The following TCHHL1 variants were observed in gnomAD, a reference collection of about 807,000 sequenced individuals.
The protein encoded by TCHHL1 is trichohyalin like 1.
In TCHHL1, 1 loss-of-function variant was observed where a neutral mutation model predicts 3.5. That is an observed-to-expected ratio of 0.29 (90% CI 0.10 to 1.36). The LOEUF (loss-of-function observed/expected upper bound fraction) is 1.36, where lower values mean the gene tolerates loss of function less well. TCHHL1 is among the 40% of genes most tolerant of loss of function. The pLI is 0.43. For synonymous variants in TCHHL1, 405 were observed against 375.3 expected (o/e 1.08, Z -0.92); for missense variants, 1,027 against 1,032.8 (o/e 0.99, Z 0.08).
Position 152,085,666 on chromosome 1 carries a change from G to A in TCHHL1, c.2016C>T (p.Ile672=), listed in dbSNP as rs748896386. The A allele has an allele frequency of 1.8e-5, 29 of 1,614,030 alleles. No homozygotes were observed. The highest frequency in any genetic ancestry group is 2.5e-5 in the Non-Finnish European group (29 of 1,180,048). ...DENRKSLEIE[I]TGALDEDFTD... ...TGAAGTCTTCATCCAGGGCACCTGT[G>A]ATCTCTATTTCCAGGGACTTTCTAT... is the stretch of plus-strand genomic sequence containing the variant. The change falls in exon 3 of 3, where the codon ATC becomes ATT. Residue 672 remains isoleucine, a synonymous_variant. Transcript: ENST00000368806.
At chr1:152,088,819 TTA>T (rs1657782695) in intron 1 of TCHHL1, among the ~76,000 whole-genome samples, 199 bp downstream of exon 1, 1 of 152,172 alleles carries the variant, frequency 6.6e-6, no homozygotes, top group African/African-American at 2.4e-5. Flanking sequence ...TCTAAACAAT[TTA>T]TGTTTTTTTT....
Position 152,086,561 on chromosome 1 carries a change from A to G in TCHHL1, c.1121T>C (p.Val374Ala). 6.2e-7 allele frequency: 1 copy of G among 1,614,080 alleles called. No homozygotes were observed. The highest frequency in any genetic ancestry group is 1.1e-5 in the South Asian group (1 of 91,066). ...EKECETKDLP[V>A]QYGSRNGSET... is the part of the protein sequence containing the mutation. ...TGAACCATTTCTGCTACCATATTGG[A>G]CTGGCAGGTCCTTTGTTTCACATTC... Residue 374 changes from valine to alanine, a missense_variant, in exon 3 of 3, where the codon GTC (valine) becomes GCC (alanine). Transcript: ENST00000368806.
chr1:152,085,555 C>G lies in TCHHL1; in HGVS notation c.2127G>C (p.Glu709Asp). The G allele has an allele frequency of 6.2e-7, 1 of 1,614,226 alleles. No homozygotes were observed. Among genetic ancestry groups the G allele is most frequent in the South Asian group, 1.1e-5 (1 of 91,084 alleles). ...TCTGGGCCTCTGTTGCTCTTCCTTT[C>G]TCTTCTTTGCTACTTGGGCCTTGGA... The part of the protein sequence containing the change: ...LKVQGPSSKE[E>D]KGRATEAQNT... Residue 709 changes from glutamate (E) to aspartate (D), a missense_variant, in exon 3 of 3, where the codon GAG becomes GAC. Glu to Asp is a conservative substitution (Grantham distance 45). Around this residue, in one of 3 missense-constraint regions of TCHHL1, gnomAD observed 673 missense variants for 658.6 expected, o/e 1.02. Coordinates refer to ENST00000368806, the MANE Select transcript of TCHHL1 (RefSeq NM_001008536.2).
At position 152,087,145 on chromosome 1, in the gene TCHHL1, C is replaced by T; in HGVS notation, c.537G>A (p.Lys179=). The change falls in exon 3 of 3, where the codon AAG becomes AAA. Residue 179 remains lysine, a synonymous_variant. Transcript: ENST00000368806. ...PGEASEHNDP[K]NKHLEGDEQS... is the part of the protein sequence containing the mutation. ...GTTCATCTCCTTCCAGGTGTTTGTT[C>T]TTAGGATCATTGTGTTCAGATGCTT... The T allele has an allele frequency of 6.2e-7, 1 of 1,614,136 alleles. No homozygotes were observed. Among genetic ancestry groups the T allele is most frequent in the African/African-American group, 1.3e-5 (1 of 75,010 alleles).
chr1:152,085,447 C>T lies in TCHHL1; in HGVS notation c.2235G>A (p.Glu745=), dbSNP rs766957983. 3 of 1,614,212 alleles carry T rather than the reference C, an allele frequency of 1.9e-6. No homozygotes were observed. The highest frequency in any genetic ancestry group is 2.5e-6 in the Non-Finnish European group (3 of 1,180,036). The change falls in exon 3 of 3, where the codon GAG becomes GAA. Residue 745 remains glutamate, a synonymous_variant. Transcript: ENST00000368806. The part of the protein sequence containing the change: ...QLETKEPVTS[E]EEDESPQELA... Reference sequence around the variant, plus strand: ...GCTCTTGGGGACTTTCATCTTCCTCCTCTGATGTTACAGGTTCCTTTGTTT... The same window carrying T: ...GCTCTTGGGGACTTTCATCTTCCTCTTCTGATGTTACAGGTTCCTTTGTTT...
Position 152,085,826 on chromosome 1 carries a change from A to G in TCHHL1, c.1856T>C (p.Val619Ala). 6 of 1,614,066 alleles carry G rather than the reference A, an allele frequency of 3.7e-6. No homozygotes were observed. Among genetic ancestry groups the G allele is most frequent in the Non-Finnish European group, 1.7e-6 (2 of 1,180,024 alleles). The change falls in exon 3 of 3, where the codon GTA becomes GCA. Residue 619 changes from valine (V) to alanine (A), a missense_variant. Transcript: ENST00000368806. The part of the protein sequence containing the change: ...AVVPAVRGED[V>A]QLTEDQEQPA... ...CTGTTCCTGGTCCTCTGTGAGCTGT[A>G]CATCCTCTCCTCTGACTGCTGGTAC...
rs1284322344 is a variant in TCHHL1, at chr1:152,085,700, C to T, written c.1982G>A (p.Gly661Glu). The change falls in exon 3 of 3, where the codon GGA becomes GAA. Residue 661 changes from glycine to glutamate, a missense_variant. Transcript: ENST00000368806. ...TTCCAGGGACTTTCTATTTTCATCT[C>T]CTGCTGTGGATTCCTGTGCTTCTGG... ...GHPEAQESTA[G>E]DENRKSLEIE... 5 of 1,614,202 alleles carry T rather than the reference C, an allele frequency of 3.1e-6. No individual in the cohort carries two copies. Among genetic ancestry groups the T allele is most frequent in the Non-Finnish European group, 4.2e-6 (5 of 1,180,040 alleles).
chr1:152,088,537 C>T (rs1407361684), intron 1 of TCHHL1, among the ~76,000 whole-genome samples: 1 of 152,210 alleles, frequency 6.6e-6, no homozygotes, highest in East Asian at 1.9e-4. Context: ...GAGTGTCTAT[C>T]TGCTCTCCTC....
In TCHHL1 at chr1:152,085,664, G is replaced by T; in HGVS notation, c.2018C>A (p.Thr673Lys). The change falls in exon 3 of 3, where the codon ACA becomes AAA. Residue 673 changes from threonine to lysine, a missense_variant. Around this residue, in one of 3 missense-constraint regions of TCHHL1, gnomAD observed 673 missense variants for 658.6 expected, o/e 1.02. Transcript: ENST00000368806. ...AGTGAAGTCTTCATCCAGGGCACCT[G>T]TGATCTCTATTTCCAGGGACTTTCT... ...ENRKSLEIEI[T>K]GALDEDFTDQ... 1 of 1,614,158 alleles carries T rather than the reference G, an allele frequency of 6.2e-7. No homozygotes were observed. Among genetic ancestry groups the T allele is most frequent in the Non-Finnish European group, 8.5e-7 (1 of 1,180,044 alleles).
In TCHHL1 at chr1:152,085,352, C is replaced by G. The variant is rs376654912; in HGVS notation, c.2330G>C (p.Ser777Thr). 6.2e-7 allele frequency: 1 copy of G among 1,614,212 alleles called. No individual in the cohort carries two copies. The highest frequency in any genetic ancestry group is 1.7e-5 in the Admixed American group (1 of 60,018). The change falls in exon 3 of 3, where the codon AGT (serine) becomes ACT (threonine). Residue 777 changes from serine (S) to threonine (T), a missense_variant. This residue lies in a region of TCHHL1 where 673 missense variants were observed against 658.6 expected (regional missense o/e 1.02). Transcript: ENST00000368806. ...GTCTCTCTGCATCTGCTTTTCAAGA[C>G]TTGACCAGGGGACTGAAGAATTGTG... is the stretch of plus-strand genomic sequence containing the variant. ...KEHNSSVPWS[S>T]LEKQMQRDQE...
rs1241521526 is a variant in TCHHL1 at position 152,085,358 on chromosome 1, C to T, written c.2324G>A (p.Trp775Ter). ...CTGCATCTGCTTTTCAAGACTTGAC[C>T]AGGGGACTGAAGAATTGTGCTCTTT... Reference protein sequence around the residue: ...AKKEHNSSVPWSSLEKQMQRD... With the variant: ...AKKEHNSSVP The change falls in exon 3 of 3, where the codon TGG (tryptophan) becomes TAG (stop). Residue 775 changes from tryptophan to a stop codon, truncating the protein, a stop_gained. Coordinates refer to ENST00000368806, the MANE Select transcript of TCHHL1 (RefSeq NM_001008536.2). LOFTEE classifies it low-confidence loss of function (END_TRUNC). 6.2e-7 allele frequency: 1 copy of T among 1,614,172 alleles called. No homozygotes were observed.
chr1:152,088,121 A>T lies in TCHHL1; in HGVS notation c.23T>A (p.Val8Asp). ...GTGGAATGTCTCAATTACACAGAGG[A>T]CATTTCTCAGGAGCTGAGGCATCTT... Reference protein sequence around the residue: MPQLLRNVLCVIETFHKY... With the variant: MPQLLRNDLCVIETFHKY... Residue 8 changes from valine (V) to aspartate (D), a missense_variant, in exon 2 of 3, where the codon GTC (valine) becomes GAC (aspartate). By Grantham distance (152) the Val-to-Asp change is radical. Around this residue, in one of 3 missense-constraint regions of TCHHL1, gnomAD observed 338 missense variants for 335.9 expected, o/e 1.01. Transcript: ENST00000368806. The T allele has an allele frequency of 6.3e-7, 1 of 1,597,146 alleles. No homozygotes were observed.
chr1:152,086,120 T>C lies in TCHHL1; in HGVS notation c.1562A>G (p.Asp521Gly). 9.3e-6 allele frequency: 15 copies of C among 1,614,214 alleles called. No homozygotes were observed. Among genetic ancestry groups the C allele is most frequent in the Non-Finnish European group, 1.2e-5 (14 of 1,180,046 alleles). Residue 521 changes from aspartate to glycine, a missense_variant, in exon 3 of 3, where the codon GAC becomes GGC. This residue lies in a region of TCHHL1 where 673 missense variants were observed against 658.6 expected (regional missense o/e 1.02). Transcript: ENST00000368806. The stretch of plus-strand genomic sequence containing the variant: ...ACCATCCTCCTCCTCAACTGGTTGG[T>C]CATGAGTCTTGGTGACCCTAGTATT... ...GENTRVTKTHDQPVEEEDGYQ... is the reference protein window; with the variant it reads ...GENTRVTKTHGQPVEEEDGYQ...
In TCHHL1 at chr1:152,086,205, G is replaced by T; in HGVS notation, c.1477C>A (p.Leu493Met). ...SKNAPAAERT[L>M]GARERTQDLA... Reference sequence around the variant, plus strand: ...TCTTGTGTTCTTTCTCTTGCCCCCAGTGTCCTTTCTGCTGCAGGTGCGTTT... The same window carrying T: ...TCTTGTGTTCTTTCTCTTGCCCCCATTGTCCTTTCTGCTGCAGGTGCGTTT... The change falls in exon 3 of 3, where the codon CTG becomes ATG. Residue 493 changes from leucine to methionine, a missense_variant. Leu to Met is a conservative substitution (Grantham distance 15). Around this residue, in one of 3 missense-constraint regions of TCHHL1, gnomAD observed 673 missense variants for 658.6 expected, o/e 1.02. Transcript: ENST00000368806. 2 of 1,614,166 alleles carry T rather than the reference G, an allele frequency of 1.2e-6. No individual in the cohort carries two copies. The highest frequency in any genetic ancestry group is 8.5e-7 in the Non-Finnish European group (1 of 1,180,034).
Position 152,087,300 on chromosome 1 carries a change from T to G in TCHHL1, c.382A>C (p.Thr128Pro), listed in dbSNP as rs558143120. The change falls in exon 3 of 3, where the codon ACT (threonine) becomes CCT (proline). Residue 128 changes from threonine (T) to proline (P), a missense_variant. By Grantham distance (38) the Thr-to-Pro change is conservative. Transcript: ENST00000368806. ...GAAGGAAGCATCCTCTTTTCTTGAG[T>G]TGGTGAAGTTCCCACTGTCCACTGA... ...DGQWTVGTSP[T>P]QEKRMLPSGM... The G allele has an allele frequency of 6.2e-7, 1 of 1,614,036 alleles. No homozygotes were observed. The highest frequency in any genetic ancestry group is 1.3e-5 in the African/African-American group (1 of 75,008).
At position 152,086,969 on chromosome 1, in the gene TCHHL1, G is replaced by T. The variant is rs931850384; in HGVS notation, c.713C>A (p.Pro238Gln). ...CTTGGAAACACTTTGCTCTCTGGCTGGTTCATCTCCTTCCTGGGAGATCTC... is the reference window on the plus strand; with the variant it reads ...CTTGGAAACACTTTGCTCTCTGGCTTGTTCATCTCCTTCCTGGGAGATCTC... ...DKEISQEGDE[P>Q]AREQSVSKIR... is the part of the protein sequence containing the mutation. Residue 238 changes from proline to glutamine, a missense_variant, in exon 3 of 3, where the codon CCA (proline) becomes CAA (glutamine). This residue lies in a region of TCHHL1 where 338 missense variants were observed against 335.9 expected (regional missense o/e 1.01). Coordinates refer to ENST00000368806, the MANE Select transcript of TCHHL1 (RefSeq NM_001008536.2). 3.1e-6 allele frequency: 5 copies of T among 1,613,964 alleles called. No homozygotes were observed. The Admixed American group carries it at 8.3e-5, about 27-fold the overall frequency.
Position 152,085,458 on chromosome 1 carries a change from C to T in TCHHL1, c.2224G>A (p.Val742Ile). 1 of 1,614,220 alleles carries T rather than the reference C, an allele frequency of 6.2e-7. No homozygotes were observed. The highest frequency in any genetic ancestry group is 2.2e-5 in the East Asian group (1 of 44,886). ...LKIQLETKEP[V>I]TSEEEDESPQ... ...CTTTCATCTTCCTCCTCTGATGTTA[C>T]AGGTTCCTTTGTTTCAAGTTGTATC... The change falls in exon 3 of 3, where the codon GTA becomes ATA. Residue 742 changes from valine to isoleucine, a missense_variant. Around this residue, in one of 3 missense-constraint regions of TCHHL1, gnomAD observed 673 missense variants for 658.6 expected, o/e 1.02. Transcript: ENST00000368806.
Position 152,084,759 on chromosome 1 carries a change from G to T in TCHHL1, c.*208C>A. ...AAGCCCATTTTGGCATTTGGAAGTA[G>T]CATTGTTTGGTAGGAGTTTTACTGA... On this transcript the variant is annotated 3_prime_UTR_variant, in exon 3 of 3. Coordinates refer to ENST00000368806, the MANE Select transcript of TCHHL1 (RefSeq NM_001008536.2). 1.8e-6 allele frequency: 1 copy of T among 551,364 alleles called. No homozygotes were observed. Among genetic ancestry groups the T allele is most frequent in the Non-Finnish European group, 3.1e-6 (1 of 325,058 alleles). The allele number at this position is 551,364 out of a possible 1,614,324, so 34.2% of individuals were successfully genotyped here. A position where few individuals can be genotyped will look rare whatever the true frequency, so the allele number is the denominator to read the frequency against.
rs1177722533 is a variant in TCHHL1, at chr1:152,087,991, C to T, written c.138+15G>A. 1.3e-6 allele frequency: 2 copies of T among 1,579,360 alleles called. No homozygotes were observed. Among genetic ancestry groups the T allele is most frequent in the East Asian group, 2.2e-5 (1 of 44,620 alleles). On this transcript the variant is annotated intron_variant, in intron 2 of 2. Transcript: ENST00000368806. ...TGAGTTGGAAAGAATTTACACAGCT[C>T]TGTGAGAAGCTCACCTGAAAAAAGT... is the stretch of plus-strand genomic sequence containing the variant.
Sources: allele counts gnomAD v4.1 joint callset (sites outside exome capture counted in the v4.1 genomes callset), GRCh38; gene constraint gnomAD v4.1.1; regional missense constraint gnomAD v4.1.1; transcripts MANE v1.5; gene names NCBI Gene and HGNC (gene_info 2026-07-23, HGNC 2026-07-21).